TTC17: variants seen among roughly 807,000 people sequenced by gnomAD.
TTC17 encodes the protein tetratricopeptide repeat domain 17, also known as tetratricopeptide repeat protein 17.
A neutral mutation model predicts 143.8 loss-of-function variants in TTC17; 58 were observed. The ratio of observed to expected loss-of-function variants is 0.40; its 90% confidence interval spans 0.33 to 0.50. TTC17 has a LOEUF of 0.50. Ranked by LOEUF, TTC17 falls within the 20% of genes least tolerant of loss-of-function variation. The pLI is 0.49. For synonymous variants in TTC17, 501 were observed against 497.8 expected (o/e 1.01, Z -0.09); for missense variants, 1,273 against 1,392.5 (o/e 0.91, Z 1.37).
chr11:43,378,397 A>G (rs1379360061), intron 1 of TTC17, among the ~76,000 whole-genome samples: 1 of 152,200 alleles, frequency 6.6e-6, no homozygotes, highest in African/African-American at 2.4e-5. Flanking sequence ...TACTCTGGTC[A>G]CTGGCAGTAG....
In TTC17 at chr11:43,450,147, G is replaced by A; in HGVS notation, c.2852G>A (p.Gly951Asp). 1.2e-6 allele frequency: 2 copies of A among 1,614,116 alleles called. No individual in the cohort carries two copies. The highest frequency in any genetic ancestry group is 4.5e-5 in the East Asian group (2 of 44,874). Residue 951 changes from glycine to aspartate, a missense_variant, in exon 20 of 24, where the codon GGC becomes GAC. Gly to Asp is a moderately conservative substitution (Grantham distance 94). This residue lies in a region of TTC17 where 878 missense variants were observed against 899.8 expected (regional missense o/e 0.98). Coordinates refer to ENST00000039989, the MANE Select transcript of TTC17 (RefSeq NM_018259.6). ...CCAGCAATGGAGCCTCTTTGCAATG[G>A]CAATCTCCCCACGAGTATGCATACC... is the stretch of plus-strand genomic sequence containing the variant. ...QQPAMEPLCN[G>D]NLPTSMHTLD...
chr11:43,412,300 A>G (rs1858451324), intron 15 of TTC17, among the ~76,000 whole-genome samples: 1 of 152,096 alleles, frequency 6.6e-6, no homozygotes, highest in African/African-American at 2.4e-5. Flanking sequence ...CCTGGGCAAC[A>G]CAATGAGATC....
chr11:43,374,504 C>T (rs1565131618), intron 1 of TTC17, among the ~76,000 whole-genome samples: 1 of 151,744 alleles, frequency 6.6e-6, no homozygotes. Context: ...AGAAACTATT[C>T]TCAAACTATG....
chr11:43,376,152 T>G (rs1279569851), intron 1 of TTC17, among the ~76,000 whole-genome samples: 1 of 152,224 alleles, frequency 6.6e-6, no homozygotes, highest in Admixed American at 6.5e-5. Context: ...ATTTTCAGAT[T>G]AGGAATATTC....
chr11:43,451,197 G>C lies in TTC17; in HGVS notation c.2962G>C (p.Gly988Arg). Residue 988 changes from glycine to arginine, a missense_variant, in exon 21 of 24, where the codon GGC (glycine) becomes CGC (arginine). Physicochemically the swap from Gly to Arg is moderately radical, Grantham distance 125. This residue lies in a region of TTC17 where 878 missense variants were observed against 899.8 expected (regional missense o/e 0.98). Coordinates refer to ENST00000039989, the MANE Select transcript of TTC17 (RefSeq NM_018259.6). ...TTCCTTCCAGGTATTACAAAATCTC[G>C]GCAAAGACCAATATCCACAACAGTC... ...SQLTEVLQNL[G>R]KDQYPQQSLE... 1 of 1,612,796 alleles carries C rather than the reference G, an allele frequency of 6.2e-7. No homozygotes were observed. The highest frequency in any genetic ancestry group is 1.1e-5 in the South Asian group (1 of 90,964).
chr11:43,439,411 G>A (rs1387422391), intron 16 of TTC17, among the ~76,000 whole-genome samples: 11 of 151,528 alleles, frequency 7.3e-5, no homozygotes, highest in Admixed American at 7.2e-4. Context: ...AACATTACAA[G>A]CTTCTTTTTG....
chr11:43,432,537 C>T (rs1947181945), intron 16 of TTC17, among the ~76,000 whole-genome samples: 1 of 152,144 alleles, frequency 6.6e-6, no homozygotes. Context: ...GACCTCGTTA[C>T]CTAAAGCATT....
chr11:43,375,426 A>T (rs563971520), intron 1 of TTC17, among the ~76,000 whole-genome samples: 1 of 152,322 alleles, frequency 6.6e-6, no homozygotes, highest in Admixed American at 6.5e-5. Flanking sequence ...GCGACTTTGA[A>T]GATTTTGATT....
intron 2 of TTC17, among the ~76,000 whole-genome samples, chr11:43,385,231 T>C (rs1416155094): frequency 6.6e-6 from 1 of 152,078 alleles, no homozygotes; most frequent in Non-Finnish European, 1.5e-5. Flanking sequence ...GAAAAAGAGA[T>C]AGAGGGAGCG....
rs1010210518 is a variant in TTC17, at chr11:43,493,928, T to A, written c.*24T>A. 6.4e-7 allele frequency: 1 copy of A among 1,550,972 alleles called. No homozygotes were observed. Among genetic ancestry groups the A allele is most frequent in the African/African-American group, 1.4e-5 (1 of 72,348 alleles). On this transcript the variant is annotated 3_prime_UTR_variant, in exon 24 of 24. Coordinates refer to ENST00000039989, the MANE Select transcript of TTC17 (RefSeq NM_018259.6). ...AGTGCACTTCTTCCTTCTCTCTTTC[T>A]CTTTACTCATGCTCTAAAAAAAAAG...
At chr11:43,360,886 G>A (rs142868729) in intron 1 of TTC17, among the ~76,000 whole-genome samples, 136 of 152,250 alleles carry the variant, frequency 8.9e-4, no homozygotes, top group Non-Finnish European at 1.6e-3. Context: ...AGTTTAAAAA[G>A]CAAGATTTCT....
chr11:43,360,560 C>A (rs1449580702), intron 1 of TTC17, among the ~76,000 whole-genome samples: 1 of 152,122 alleles, frequency 6.6e-6, no homozygotes, highest in Non-Finnish European at 1.5e-5. Flanking sequence ...TTGTTTTTGG[C>A]CACAGCTATT....
chr11:43,451,370 C>CTA, intron 21 of TTC17, 105 bp downstream of exon 21: 2 of 942,794 alleles, frequency 2.1e-6, no homozygotes, highest in Non-Finnish European at 3.3e-6. Flanking sequence ...AGTTACTTAG[C>CTA]ACTTGGTGGC....
At chr11:43,397,876 A>G in intron 7 of TTC17, 98 bp from the exon 8 acceptor site, 2 of 1,501,780 alleles carry the variant, frequency 1.3e-6, no homozygotes, top group Non-Finnish European at 1.8e-6. Context: ...AGATGCAACC[A>G]GGCCGTGGCT....
intron 21 of TTC17, among the ~76,000 whole-genome samples, chr11:43,483,400 G>A (rs918435881): frequency 6.6e-6 from 1 of 151,930 alleles, no homozygotes; most frequent in Non-Finnish European, 1.5e-5. Context: ...ATTTATATAT[G>A]TTGTCATATA....
intron 2 of TTC17, among the ~76,000 whole-genome samples, chr11:43,389,336 T>A (rs538998220): frequency 3.6e-4 from 55 of 152,286 alleles, no homozygotes; most frequent in African/African-American, 1.3e-3. Flanking sequence ...ACCTGACAGG[T>A]TTGTTTTCAC....
intron 1 of TTC17, among the ~76,000 whole-genome samples, chr11:43,361,070 A>G (rs1856084414): frequency 6.6e-6 from 1 of 152,196 alleles, no homozygotes; most frequent in African/African-American, 2.4e-5. Context: ...ATTTAATCTG[A>G]AGAAAAGGCA....
chr11:43,469,040 A>G (rs1336005450), intron 21 of TTC17, among the ~76,000 whole-genome samples: 2 of 152,258 alleles, frequency 1.3e-5, no homozygotes, highest in African/African-American at 4.8e-5. Context: ...TAAAAAGACA[A>G]CGCAATTTTT....
chr11:43,428,202 C>G (rs566820639), intron 16 of TTC17, among the ~76,000 whole-genome samples: 3 of 152,198 alleles, frequency 2.0e-5, no homozygotes, highest in African/African-American at 7.2e-5. Flanking sequence ...TCATTGAAAA[C>G]TAACACCTAT....
Sources: allele counts gnomAD v4.1 joint callset (sites outside exome capture counted in the v4.1 genomes callset), GRCh38; gene constraint gnomAD v4.1.1; regional missense constraint gnomAD v4.1.1; transcripts MANE v1.5; gene names NCBI Gene and HGNC (gene_info 2026-07-23, HGNC 2026-07-21).